FRYL: variants seen among roughly 807,000 people sequenced by gnomAD.
The protein encoded by FRYL is protein furry homolog-like.
Under a neutral mutation model 351.2 loss-of-function variants are expected in FRYL, and 150 were observed. The ratio of observed to expected loss-of-function variants is 0.43; its 90% CI spans 0.37 to 0.49. FRYL has a LOEUF of 0.49. FRYL is among the 20% of genes least tolerant of loss of function. The pLI is 0.00. For missense variants in FRYL, 3,036 were observed against 3,619.3 expected (o/e 0.84, Z 4.13); for synonymous variants, 1,153 against 1,257.1 (o/e 0.92, Z 1.75).
At chr4:48,622,062 A>G (rs1750754227) in intron 5 of FRYL, among the ~76,000 whole-genome samples, 1 of 152,192 alleles carries the variant, frequency 6.6e-6, no homozygotes, top group Non-Finnish European at 1.5e-5. Context: ...AATAAATACA[A>G]AACAGTTTAT....
chr4:48,671,416 C>T (rs1375436227), intron 3 of FRYL, among the ~76,000 whole-genome samples: 4 of 152,052 alleles, frequency 2.6e-5, no homozygotes, highest in Admixed American at 2.0e-4. Flanking sequence ...ACCTGTAATC[C>T]CAGTACTTAA....
At chr4:48,599,104 C>T (rs775814986) in intron 13 of FRYL, among the ~76,000 whole-genome samples, 5 of 152,004 alleles carry the variant, frequency 3.3e-5, no homozygotes, top group Non-Finnish European at 7.4e-5. Context: ...AAAGTTTTAA[C>T]TACCTAATTT....
chr4:48,669,371 T>G (rs1435912818), intron 3 of FRYL, among the ~76,000 whole-genome samples: 1 of 152,034 alleles, frequency 6.6e-6, no homozygotes, highest in Admixed American at 6.6e-5. Flanking sequence ...ATGGTGGTCC[T>G]GGGATGAGGG....
At position 48,527,977 on chromosome 4, in the gene FRYL, G is replaced by C; in HGVS notation, c.7134C>G (p.Asn2378Lys). Reference protein sequence around the residue: ...LCGPESGLPKNPSVVFSSNED... With the variant: ...LCGPESGLPKKPSVVFSSNED... ...GGTCTTCATGATTACTCACTGATGGGTTCTTTGGGAGGCCAGATTCTGGAC... is the reference window on the plus strand; with the variant it reads ...GGTCTTCATGATTACTCACTGATGGCTTCTTTGGGAGGCCAGATTCTGGAC... The change falls in exon 52 of 64, where the codon AAC becomes AAG. Residue 2378 changes from asparagine to lysine, a missense_variant. Coordinates refer to ENST00000358350, the MANE Select transcript of FRYL (RefSeq NM_015030.2). 6.4e-7 allele frequency: 1 copy of C among 1,573,434 alleles called. No homozygotes were observed.
chr4:48,512,687 G>T lies in FRYL; in HGVS notation c.7939C>A (p.Gln2647Lys). 6.2e-7 allele frequency: 1 copy of T among 1,606,246 alleles called. No homozygotes were observed. The highest frequency in any genetic ancestry group is 1.1e-5 in the South Asian group (1 of 90,900). Reference sequence around the variant, plus strand: ...AAACCATCTTGCTCTTCTTCATCTTGACTATTAACACAGATATCATAAATA... The same window carrying T: ...AAACCATCTTGCTCTTCTTCATCTTTACTATTAACACAGATATCATAAATA... ...EEADFSGLSS[Q>K]DEEEQDGFPE... Residue 2647 changes from glutamine to lysine, a missense_variant and splice_region_variant, in exon 57 of 64, where the codon CAA becomes AAA. Gln to Lys is a moderately conservative substitution (Grantham distance 53). Coordinates refer to ENST00000358350, the MANE Select transcript of FRYL (RefSeq NM_015030.2).
At chr4:48,640,351 T>G (rs1755083808) in intron 3 of FRYL, among the ~76,000 whole-genome samples, 1 of 152,156 alleles carries the variant, frequency 6.6e-6, no homozygotes, top group African/African-American at 2.4e-5. Flanking sequence ...TATCAAGCTA[T>G]GTAAAGACAT....
chr4:48,666,350 C>T (rs1166941626), intron 3 of FRYL, among the ~76,000 whole-genome samples: 8 of 151,724 alleles, frequency 5.3e-5, no homozygotes, highest in Non-Finnish European at 8.8e-5. Context: ...CTGGGTGACA[C>T]AGTGAGACTC....
chr4:48,571,658 T>C (rs1037115266), intron 26 of FRYL: 2 of 985,252 alleles, frequency 2.0e-6, no homozygotes, highest in Non-Finnish European at 2.4e-6. Flanking sequence ...AGGTGCATGA[T>C]AATTTACTAA....
At chr4:48,606,047 G>A (rs1746721921) in intron 10 of FRYL, among the ~76,000 whole-genome samples, 1 of 148,418 alleles carries the variant, frequency 6.7e-6, no homozygotes, top group Non-Finnish European at 1.5e-5. Flanking sequence ...CCTGAGGTGA[G>A]GAGTTGGAGA....
chr4:48,615,370 C>T (rs3107022), intron 7 of FRYL, among the ~76,000 whole-genome samples: 62,644 of 152,052 alleles, frequency 0.41, 14,191 homozygotes, highest in Admixed American at 0.56. Context: ...AAAGATATCA[C>T]CACCTTCTGA....
chr4:48,609,530 G>A (rs2149276712), intron 8 of FRYL, among the ~76,000 whole-genome samples: 1 of 152,106 alleles, frequency 6.6e-6, no homozygotes, highest in Non-Finnish European at 1.5e-5. Context: ...GCTGAGTTGG[G>A]AGGATCACTT....
At chr4:48,690,986 T>G (rs1765631105) in intron 2 of FRYL, among the ~76,000 whole-genome samples, 1 of 152,216 alleles carries the variant, frequency 6.6e-6, no homozygotes, top group Non-Finnish European at 1.5e-5. Flanking sequence ...GTCTTTCCTC[T>G]TTTTCTCTGT....
chr4:48,502,814 G>C lies in FRYL; in HGVS notation c.8481+14C>G. 2 of 1,605,814 alleles carry C rather than the reference G, an allele frequency of 1.2e-6. No homozygotes were observed. The highest frequency in any genetic ancestry group is 1.7e-6 in the Non-Finnish European group (2 of 1,173,584). Reference sequence around the variant, plus strand: ...CAAGGGTGAGTAGTCTATAAATCAAGACAGGTCACTTACTGCTAGTATTTC... The same window carrying C: ...CAAGGGTGAGTAGTCTATAAATCAACACAGGTCACTTACTGCTAGTATTTC... On this transcript the variant is annotated intron_variant, in intron 61 of 63. Transcript: ENST00000358350.
At chr4:48,529,723 AACT>A (rs1727109711) in intron 50 of FRYL, among the ~76,000 whole-genome samples, 1 of 152,178 alleles carries the variant, frequency 6.6e-6, no homozygotes, top group Non-Finnish European at 1.5e-5. Context: ...CTTGATCAAT[AACT>A]TCCTTCTTGA....
intron 3 of FRYL, among the ~76,000 whole-genome samples, chr4:48,643,701 A>G (rs1449098766): frequency 6.6e-6 from 1 of 152,210 alleles, no homozygotes; most frequent in East Asian, 1.9e-4. Context: ...TTAACTAGCA[A>G]CAATCACCTA....
chr4:48,685,533 T>C (rs545472223), intron 2 of FRYL, among the ~76,000 whole-genome samples: 39 of 152,332 alleles, frequency 2.6e-4, no homozygotes, highest in African/African-American at 8.9e-4. Context: ...TTCATGTATC[T>C]GCTAGGCCTG....
rs1349319678 is a variant in FRYL at position 48,535,767 on chromosome 4, T to C, written c.6454A>G (p.Ser2152Gly). The C allele has an allele frequency of 1.9e-6, 3 of 1,596,334 alleles. No individual in the cohort carries two copies. The African/African-American group carries it at 4.0e-5, about 21-fold the overall frequency. The change falls in exon 48 of 64, where the codon AGT (serine) becomes GGT (glycine). Residue 2152 changes from serine to glycine, a missense_variant. This residue lies in a region of FRYL where 1,987 missense variants were observed against 2,311.7 expected (regional missense o/e 0.86). Coordinates refer to ENST00000358350, the MANE Select transcript of FRYL (RefSeq NM_015030.2). The stretch of plus-strand genomic sequence containing the variant: ...CAGTCTCTGGAATACGTGTGTGTAC[T>C]GTACAAACTCATCATGTGTGCCAGA... ...VNLAHMMSLY[S>G]THTYSRDCSN...
At chr4:48,670,846 G>T (rs1235877599) in intron 3 of FRYL, among the ~76,000 whole-genome samples, 1 of 152,116 alleles carries the variant, frequency 6.6e-6, no homozygotes, top group Non-Finnish European at 1.5e-5. Flanking sequence ...CCATTAATCT[G>T]TTGGTGGACA....
intron 40 of FRYL, among the ~76,000 whole-genome samples, chr4:48,548,313 A>C (rs888345287): frequency 6.6e-6 from 1 of 152,152 alleles, no homozygotes; most frequent in Non-Finnish European, 1.5e-5. Flanking sequence ...CCAACAACCC[A>C]GTTCTTTTGG....
Sources: allele counts gnomAD v4.1 joint callset (sites outside exome capture counted in the v4.1 genomes callset), GRCh38; gene constraint gnomAD v4.1.1; regional missense constraint gnomAD v4.1.1; transcripts MANE v1.5; gene names NCBI Gene and HGNC (gene_info 2026-07-23, HGNC 2026-07-21).